ESCO2: variants seen among roughly 807,000 people sequenced by gnomAD.
ESCO2 encodes N-acetyltransferase ESCO2.
ESCO2 carries 51 observed loss-of-function variants against 61.7 expected under a neutral mutation model. The ratio of observed to expected loss-of-function variants is 0.83; its 90% CI spans 0.66 to 1.04. The LOEUF is 1.04. Among genes scored for constraint, ESCO2 ranks in the 50% least tolerant of loss-of-function variants. The probability of loss-of-function intolerance (pLI) is 0.00; values close to 1 mark genes in which losing one functional copy is unlikely to be tolerated. For missense variants in ESCO2, 692 were observed against 686.2 expected (o/e 1.01, Z -0.09); for synonymous variants, 230 against 238.2 (o/e 0.97, Z 0.32).
downstream of ESCO2, among the ~76,000 whole-genome samples, chr8:27,806,803 A>G (rs1805572738): frequency 6.6e-6 from 1 of 151,934 alleles, no homozygotes; most frequent in Non-Finnish European, 1.5e-5. Context: ...TTTAGTAGAG[A>G]CGGGGTTTTA....
At chr8:27,786,559 C>T (rs550069788) in intron 5 of ESCO2, among the ~76,000 whole-genome samples, 2 of 152,330 alleles carry the variant, frequency 1.3e-5, no homozygotes, top group Admixed American at 6.5e-5. Flanking sequence ...GAGTTAGTCA[C>T]AACCCTCATT....
At chr8:27,789,778 T>G (rs1289391311) in intron 7 of ESCO2, among the ~76,000 whole-genome samples, 2 of 124,896 alleles carry the variant, frequency 1.6e-5, no homozygotes, top group African/African-American at 3.4e-5. Context: ...CAAAACTCCA[T>G]CTCAAAAAAA....
intron 10 of ESCO2, among the ~76,000 whole-genome samples, chr8:27,800,000 G>T (rs916633210): frequency 6.6e-6 from 1 of 151,546 alleles, no homozygotes; most frequent in African/African-American, 2.4e-5. Flanking sequence ...AATAAAAATG[G>T]ATTGCTAGAA....
At chr8:27,779,364 C>CT (rs1403626744) in intron 3 of ESCO2, 1 of 152,188 alleles carries the variant, frequency 6.6e-6, no homozygotes, top group Non-Finnish European at 1.5e-5. Flanking sequence ...TTTCCCCAAG[C>CT]TATATATTCC....
intron 7 of ESCO2, among the ~76,000 whole-genome samples, chr8:27,791,073 A>G (rs1422360954): frequency 6.6e-6 from 1 of 152,160 alleles, no homozygotes; most frequent in Non-Finnish European, 1.5e-5. Context: ...TAGTCAAACT[A>G]ATGCCATTTT....
At position 27,795,192 on chromosome 8, in the gene ESCO2, T is replaced by C. The variant is rs543328168; in HGVS notation, c.1497+2381T>C. On this transcript the variant is annotated intron_variant, in intron 9 of 10. Coordinates refer to ENST00000305188, the MANE Select transcript of ESCO2 (RefSeq NM_001017420.3). ...CCATTTATGTAGATATTCTTCATCT[T>C]CTTTCATCAGTGTTTTCTGGTCTTC... Among the ~76,000 whole-genome samples the C allele has an allele frequency of 1.8e-4, 27 of 152,334 alleles. No individual in the cohort carries two copies. In the South Asian group the frequency reaches 5.6e-3, roughly 32 times the overall value.
At position 27,788,962 on chromosome 8, in the gene ESCO2, A is replaced by G; in HGVS notation, c.1247A>G (p.Glu416Gly). 1 of 1,614,074 alleles carries G rather than the reference A, an allele frequency of 6.2e-7. No individual in the cohort carries two copies. Among genetic ancestry groups the G allele is most frequent in the South Asian group, 1.1e-5 (1 of 91,080 alleles). ...GTACAGCATCACCACAGGTTTCTGG[A>G]AGGAATCAAATATGTGGTGAGCCAA... is the stretch of plus-strand genomic sequence containing the variant. ...QHVQHHHRFLEGIKYVGWKKE... is the reference protein window; with the variant it reads ...QHVQHHHRFLGGIKYVGWKKE... Residue 416 changes from glutamate (E) to glycine (G), a missense_variant, in exon 7 of 11, where the codon GAA (glutamate) becomes GGA (glycine). By Grantham distance (98) the Glu-to-Gly change is moderately conservative. Transcript: ENST00000305188.
chr8:27,783,567 A>AT (rs1804971027), intron 4 of ESCO2, among the ~76,000 whole-genome samples: 1 of 152,028 alleles, frequency 6.6e-6, no homozygotes, highest in South Asian at 2.1e-4. Flanking sequence ...TTTCCCTAAT[A>AT]TTTTTTCTAG....
At chr8:27,772,101 A>C, upstream of ESCO2, 1 of 203,814 alleles carries the variant, frequency 4.9e-6, no homozygotes, top group Non-Finnish European at 1.0e-5. Flanking sequence ...AAAAGTTGTT[A>C]GCAGGTGTCT....
downstream of ESCO2, among the ~76,000 whole-genome samples, chr8:27,817,393 A>G (rs1805838416): frequency 6.6e-6 from 1 of 152,064 alleles, no homozygotes; most frequent in Non-Finnish European, 1.5e-5. Context: ...TTCTGGTAGA[A>G]CCTTTCAGAC....
In ESCO2 at chr8:27,803,371, A is replaced by T. The variant is rs1805492577; in HGVS notation, c.1739A>T (p.Asp580Val). The change falls in exon 11 of 11, where the codon GAT (aspartate) becomes GTT (valine). Residue 580 changes from aspartate (D) to valine (V), a missense_variant. By Grantham distance (152) the Asp-to-Val change is radical. Coordinates refer to ENST00000305188, the MANE Select transcript of ESCO2 (RefSeq NM_001017420.3). ...DEIAFSDPTP[D>V]GKLFATKYCN... ...ATAGCATTTTCTGACCCAACACCAG[A>T]TGGCAAGTTATTTGCAACCAAGTAC... 2 of 1,614,070 alleles carry T rather than the reference A, an allele frequency of 1.2e-6. No homozygotes were observed. The highest frequency in any genetic ancestry group is 1.7e-6 in the Non-Finnish European group (2 of 1,180,002).
chr8:27,783,573 T>C (rs1484777516), intron 4 of ESCO2, among the ~76,000 whole-genome samples: 1 of 152,162 alleles, frequency 6.6e-6, no homozygotes, highest in Non-Finnish European at 1.5e-5. Flanking sequence ...TAATATTTTT[T>C]CTAGACATTT....
chr8:27,775,423 CTAA>C, intron 1 of ESCO2, 73 bp from the exon 2 acceptor site: 1 of 1,249,294 alleles, frequency 8.0e-7, no homozygotes, highest in African/African-American at 1.5e-5. Flanking sequence ...GTGAAATAGA[CTAA>C]TTAAAGGGGG....
At position 27,796,124 on chromosome 8, in the gene ESCO2, A is replaced by G. The variant is rs1052417713; in HGVS notation, c.1497+3313A>G. ...CTTAAACTGATTGAATCTCCTTTTT[A>G]TTGGTTAGTTTAGATTTTCTGTTTC... On this transcript the variant is annotated intron_variant, in intron 9 of 10. Coordinates refer to ENST00000305188, the MANE Select transcript of ESCO2 (RefSeq NM_001017420.3). Among the ~76,000 whole-genome samples the G allele has an allele frequency of 2.1e-5, 3 of 143,568 alleles. No homozygotes were observed. In the South Asian group the frequency reaches 6.6e-4, roughly 32 times the overall value. 94.2% of individuals were successfully genotyped at this position (143,568 alleles called of 152,430 possible). A position where few individuals can be genotyped will look rare whatever the true frequency, so the allele number is the denominator to read the frequency against.
chr8:27,799,096 A>G (rs923249323), intron 9 of ESCO2, among the ~76,000 whole-genome samples: 1 of 152,032 alleles, frequency 6.6e-6, no homozygotes, highest in Non-Finnish European at 1.5e-5. Flanking sequence ...GCTCCTCTGT[A>G]GTGGTTTTTT....
At chr8:27,790,673 A>C (rs1443683634) in intron 7 of ESCO2, among the ~76,000 whole-genome samples, 1 of 152,184 alleles carries the variant, frequency 6.6e-6, no homozygotes, top group African/African-American at 2.4e-5. Context: ...ATAGCTATAA[A>C]TTTTATATTT....
chr8:27,780,717 A>G (rs1804907046), intron 4 of ESCO2, among the ~76,000 whole-genome samples: 1 of 152,228 alleles, frequency 6.6e-6, no homozygotes, highest in Non-Finnish European at 1.5e-5. Flanking sequence ...TAGGTTTACT[A>G]ATAATTAGCT....
chr8:27,804,064 T>C lies in ESCO2; in HGVS notation c.*626T>C. Reference sequence around the variant, plus strand: ...TTCTCTATACAGAGTCTTCACTTGATAGGCACTCGTCTGTAGTAACTCAGT... The same window carrying C: ...TTCTCTATACAGAGTCTTCACTTGACAGGCACTCGTCTGTAGTAACTCAGT... On this transcript the variant is annotated 3_prime_UTR_variant, in exon 11 of 11. Transcript: ENST00000305188. 2.0e-6 allele frequency: 2 copies of C among 985,558 alleles called. No individual in the cohort carries two copies. Among genetic ancestry groups the C allele is most frequent in the African/African-American group, 3.5e-5 (2 of 57,346 alleles). The allele number at this position is 985,558 out of a possible 1,614,324, so 61.1% of individuals were successfully genotyped here. A position where few individuals can be genotyped will look rare whatever the true frequency, so the allele number is the denominator to read the frequency against.
In ESCO2 at chr8:27,805,109, C is replaced by T. The variant is rs1180744055; in HGVS notation, c.*1671C>T. Reference sequence around the variant, plus strand: ...CATCCTGGCTAACAAGGTGAAACCCCGTCTCTACTAAAAATACAAAAAATT... The same window carrying T: ...CATCCTGGCTAACAAGGTGAAACCCTGTCTCTACTAAAAATACAAAAAATT... On this transcript the variant is annotated 3_prime_UTR_variant, in exon 11 of 11. Transcript: ENST00000305188. The T allele has an allele frequency of 8.2e-6, 1 of 122,338 alleles. No homozygotes were observed. The highest frequency in any genetic ancestry group is 1.7e-5 in the Non-Finnish European group (1 of 60,238). The allele number at this position is 122,338 out of a possible 1,614,324, so 7.6% of individuals were successfully genotyped here. A position where few individuals can be genotyped will look rare whatever the true frequency, so the allele number is the denominator to read the frequency against.
Sources: allele counts gnomAD v4.1 joint callset (sites outside exome capture counted in the v4.1 genomes callset), GRCh38; gene constraint gnomAD v4.1.1; transcripts MANE v1.5; gene names NCBI Gene and HGNC (gene_info 2026-07-23, HGNC 2026-07-21).